The following SGSM3 variants were observed in gnomAD, a reference collection of about 807,000 sequenced individuals.
The protein encoded by SGSM3 is RUN and SH3 containing 3.
Under a neutral mutation model 100.5 loss-of-function variants are expected in SGSM3, and 96 were observed. The observed-to-expected ratio is 0.96, with a 90% CI of 0.81 to 1.13. SGSM3 has a LOEUF of 1.13. SGSM3 is among the 50% of genes most tolerant of loss of function. The probability of loss-of-function intolerance (pLI) is 0.00; values close to 1 mark genes in which losing one functional copy is unlikely to be tolerated. For missense variants in SGSM3, 1,001 were observed against 1,015.8 expected (o/e 0.99, Z 0.20); for synonymous variants, 483 against 422.8 (o/e 1.14, Z -1.75).
intron 7 of SGSM3, 133 bp downstream of exon 7, chr22:40,405,417 C>T: frequency 1.0e-6 from 1 of 968,794 alleles, no homozygotes. Context: ...TGGCCTCCCA[C>T]TCCGGGGCGT....
intron 9 of SGSM3, 53 bp from the exon 10 acceptor site, chr22:40,406,385 C>A: frequency 1.3e-6 from 2 of 1,504,034 alleles, no homozygotes; most frequent in Non-Finnish European, 1.8e-6. Context: ...AGCTCAGTGC[C>A]ACGTCCCTGC....
At position 40,402,211 on chromosome 22, in the gene SGSM3, CTT is replaced by C. The variant is rs745507537; in HGVS notation, c.157+7_157+8del. On this transcript the variant is annotated splice_region_variant and intron_variant, in intron 4 of 21. Coordinates refer to ENST00000248929, the MANE Select transcript of SGSM3 (RefSeq NM_015705.6). The stretch of plus-strand genomic sequence containing the variant: ...TTTCCGTGTGTACAAGGAAGGTAAA[CTT>C]GAGCCCCTTTTGTGTGTCATCTTGC... The C allele has an allele frequency of 6.2e-7, 1 of 1,610,356 alleles. No homozygotes were observed. The highest frequency in any genetic ancestry group is 1.1e-5 in the South Asian group (1 of 91,010).
intron 1 of SGSM3, among the ~76,000 whole-genome samples, chr22:40,380,901 C>T (rs1334452694): frequency 1.3e-5 from 2 of 152,012 alleles, no homozygotes; most frequent in Non-Finnish European, 2.9e-5. Flanking sequence ...CACCACTTCC[C>T]TCCAGCCTGG....
Position 40,406,076 on chromosome 22 carries a change from A to G in SGSM3, c.815-2A>G. ...CAGCGGCTTTGGCTCCTGTGTTTACAGAGCTGTCCCTGATCACACTGCACT... is the reference window on the plus strand; with the variant it reads ...CAGCGGCTTTGGCTCCTGTGTTTACGGAGCTGTCCCTGATCACACTGCACT... On this transcript the variant is annotated splice_acceptor_variant, in intron 8 of 21. Transcript: ENST00000248929. LOFTEE classifies it high-confidence loss of function. The G allele has an allele frequency of 6.2e-7, 1 of 1,613,158 alleles. No homozygotes were observed. Among genetic ancestry groups the G allele is most frequent in the Non-Finnish European group, 8.5e-7 (1 of 1,179,400 alleles).
At chr22:40,392,407 G>A (rs1275384849) in intron 1 of SGSM3, among the ~76,000 whole-genome samples, 1 of 151,970 alleles carries the variant, frequency 6.6e-6, no homozygotes, top group Non-Finnish European at 1.5e-5. Flanking sequence ...ACAAATGAGA[G>A]AGAAGGGGAT....
chr22:40,404,649 C>T lies in SGSM3; in HGVS notation c.459C>T (p.Thr153=). The T allele has an allele frequency of 1.9e-6, 3 of 1,611,688 alleles. No homozygotes were observed. Among genetic ancestry groups the T allele is most frequent in the East Asian group, 4.5e-5 (2 of 44,796 alleles). The change falls in exon 6 of 22, where the codon ACC becomes ACT. Residue 153 remains threonine (T), a synonymous_variant. Coordinates refer to ENST00000248929, the MANE Select transcript of SGSM3 (RefSeq NM_015705.6). ...TGAAGAACAGCTCCAACGATGAGACCATCGCTGCCAAGCAGGTGAGGCCGG... is the reference window on the plus strand; with the variant it reads ...TGAAGAACAGCTCCAACGATGAGACTATCGCTGCCAAGCAGGTGAGGCCGG... ...EIVKNSSNDE[T]IAAKQIEKDL...
intron 4 of SGSM3, 47 bp downstream of exon 4, chr22:40,402,252 G>C (rs369041377): frequency 5.6e-6 from 8 of 1,416,076 alleles, no homozygotes; most frequent in Non-Finnish European, 7.0e-6. Flanking sequence ...TGTTCTTTGG[G>C]GAGGACTCCG....
intron 7 of SGSM3, 126 bp from the exon 8 acceptor site, chr22:40,405,523 G>T (rs1425589566): frequency 1.0e-6 from 1 of 956,002 alleles, no homozygotes; most frequent in East Asian, 2.5e-5. Context: ...GCCCAGGGAA[G>T]GCCTGGGTTC....
At chr22:40,403,768 G>A (rs2051066809) in intron 4 of SGSM3, among the ~76,000 whole-genome samples, 1 of 152,164 alleles carries the variant, frequency 6.6e-6, no homozygotes. Context: ...GGCTGCTGAG[G>A]GGAACAGCCT....
At chr22:40,397,778 CAGGT>C (rs2050227093) in intron 1 of SGSM3, among the ~76,000 whole-genome samples, 2 of 152,210 alleles carry the variant, frequency 1.3e-5, no homozygotes, top group African/African-American at 4.8e-5. Context: ...TCCTTTCCCT[CAGGT>C]AGCCATGAGC....
intron 1 of SGSM3, among the ~76,000 whole-genome samples, chr22:40,385,107 A>G (rs1233562394): frequency 6.6e-6 from 1 of 152,238 alleles, no homozygotes; most frequent in African/African-American, 2.4e-5. Flanking sequence ...CAAGAAACCA[A>G]AGTAAGTCAG....
At chr22:40,409,091 A>G in intron 19 of SGSM3, 73 bp downstream of exon 19, 13 of 1,552,060 alleles carry the variant, frequency 8.4e-6, no homozygotes, top group Non-Finnish European at 1.1e-5. Flanking sequence ...GGGGGTCCTT[A>G]CAGGGAACCC....
chr22:40,409,388 G>C lies in SGSM3; in HGVS notation c.2111+16G>C, dbSNP rs1201137042. The C allele has an allele frequency of 6.3e-7, 1 of 1,583,686 alleles. No homozygotes were observed. Among genetic ancestry groups the C allele is most frequent in the Admixed American group, 1.8e-5 (1 of 55,426 alleles). ...GTGAGCTCCGGTGAGGACCTTACTG[G>C]GCTTGGGGGATGGAGGTGGGGTGGG... On this transcript the variant is annotated intron_variant, in intron 20 of 21. Transcript: ENST00000248929.
chr22:40,408,571 G>A lies in SGSM3; in HGVS notation c.1783-56G>A. 6 of 1,606,606 alleles carry A rather than the reference G, an allele frequency of 3.7e-6. No homozygotes were observed. In the South Asian group the frequency reaches 5.5e-5, roughly 15 times the overall value. ...TGACAGGTGCCCAGTCGGCCCCAAG[G>A]GCTTTGAACCAGCATCTTCCTGTCC... On this transcript the variant is annotated intron_variant, in intron 16 of 21. Transcript: ENST00000248929.
chr22:40,404,469 A>G lies in SGSM3; in HGVS notation c.366+14A>G, dbSNP rs2146974283. The G allele has an allele frequency of 6.2e-7, 1 of 1,606,618 alleles. No homozygotes were observed. ...ATGAGGCCACAGGTAAGGTGGCCAC[A>G]GGGACCCACAGGGTGTTGAGAGGGT... On this transcript the variant is annotated intron_variant, in intron 5 of 21. Transcript: ENST00000248929.
Position 40,410,075 on chromosome 22 carries a change from G to A in SGSM3, c.*316G>A. On this transcript the variant is annotated 3_prime_UTR_variant, in exon 22 of 22. Transcript: ENST00000248929. ...TGGCTAGTAGGCTCCTGGCCTCTTTGGTTTATAAATAAACTGTGTCTGTCT... is the reference window on the plus strand; with the variant it reads ...TGGCTAGTAGGCTCCTGGCCTCTTTAGTTTATAAATAAACTGTGTCTGTCT... The A allele has an allele frequency of 8.0e-7, 1 of 1,247,452 alleles. No homozygotes were observed. Among genetic ancestry groups the A allele is most frequent in the Non-Finnish European group, 1.0e-6 (1 of 996,176 alleles). 77.3% of individuals were successfully genotyped at this position (1,247,452 alleles called of 1,614,324 possible).
In SGSM3 at chr22:40,407,418, G is replaced by A. The variant is rs542700080; in HGVS notation, c.1374G>A (p.Leu458=). 2.5e-6 allele frequency: 4 copies of A among 1,611,780 alleles called. No individual in the cohort carries two copies. The highest frequency in any genetic ancestry group is 1.7e-6 in the Non-Finnish European group (2 of 1,178,880). ...CTDPKNCSVE[L]TPDYSMESHQ... ...GCCTGTGTTCACTGTGGCAGGAGCT[G>A]ACTCCAGACTATAGCATGGAGAGCC... Residue 458 remains leucine (L), a synonymous_variant, in exon 13 of 22, where the codon CTG becomes CTA. Transcript: ENST00000248929. This position sits in a 1 kb window ranked among gnomAD's most constrained non-coding sequence, Gnocchi z 4.7.
intron 1 of SGSM3, among the ~76,000 whole-genome samples, chr22:40,371,229 T>A (rs2045401464): frequency 6.6e-6 from 1 of 152,248 alleles, no homozygotes; most frequent in African/African-American, 2.4e-5. Flanking sequence ...GCCAGAATCA[T>A]CCGGTGTGGT....
In SGSM3 at chr22:40,402,055, G is replaced by A. The variant is rs2050825986; in HGVS notation, c.91-84G>A. On this transcript the variant is annotated intron_variant, in intron 3 of 21. Transcript: ENST00000248929. ...CCGAAGGCTGGGTGGGATTTTAGCA[G>A]GCAACCCTGTGGGTGGCATCTTTCA... The A allele has an allele frequency of 1.0e-5, 11 of 1,057,382 alleles. No individual in the cohort carries two copies. The Admixed American group carries it at 1.9e-4, about 19-fold the overall frequency. 65.5% of individuals were successfully genotyped at this position (1,057,382 alleles called of 1,614,324 possible).
Sources: gnomAD v4.1 joint callset for allele counts (sites outside exome capture counted in the v4.1 genomes callset) on GRCh38, gnomAD v4.1.1 for gene constraint, Gnocchi (gnomAD v3.1) non-coding constraint, MANE v1.5 for transcripts, NCBI Gene and HGNC (gene_info 2026-07-23, HGNC 2026-07-21) for gene names.